Variants in NUP88 observed in about 807,000 individuals in gnomAD.
NUP88 encodes nuclear pore complex protein Nup88.
NUP88 carries 57 observed loss-of-function variants against 93.9 expected under a neutral mutation model. That is an observed-to-expected ratio of 0.61 (90% CI 0.49 to 0.76). The LOEUF is 0.76. Among genes scored for constraint, NUP88 ranks in the 30% least tolerant of loss-of-function variants. The probability of loss-of-function intolerance (pLI) is 0.00; values close to 1 mark genes in which losing one functional copy is unlikely to be tolerated. For missense variants in NUP88, 911 were observed against 901.0 expected, an observed-to-expected ratio of 1.01 and a Z score of -0.14; for synonymous variants, 346 against 336.8, an observed-to-expected ratio of 1.03 and a Z score of -0.30.
intron 8 of NUP88, 74 bp from the exon 9 acceptor site, chr17:5,395,055 G>C: frequency 1.1e-6 from 1 of 894,606 alleles, no homozygotes; most frequent in Non-Finnish European, 1.9e-6. Flanking sequence ...ATGATATTGG[G>C]TTAAATGCAG....
chr17:5,416,188 TACACAC>T (rs149950508), intron 2 of NUP88, among the ~76,000 whole-genome samples: 1 of 126,204 alleles, frequency 7.9e-6, no homozygotes, highest in Admixed American at 8.3e-5. Context: ...TATACACACA[TACACAC>T]ACACACACAC....
intron 14 of NUP88, 34 bp downstream of exon 14, chr17:5,387,352 G>T: frequency 6.4e-7 from 1 of 1,553,178 alleles, no homozygotes; most frequent in Non-Finnish European, 8.9e-7. Context: ...GTTAGTACCT[G>T]ACTAGGTAAC....
At position 5,387,881 on chromosome 17, in the gene NUP88, G is replaced by C; in HGVS notation, c.1667C>G (p.Pro556Arg). The C allele has an allele frequency of 6.2e-7, 1 of 1,613,860 alleles. No homozygotes were observed. Among genetic ancestry groups the C allele is most frequent in the Non-Finnish European group, 8.5e-7 (1 of 1,179,802 alleles). Residue 556 changes from proline (P) to arginine (R), a missense_variant, in exon 12 of 17, where the codon CCT (proline) becomes CGT (arginine). Coordinates refer to ENST00000573584, the MANE Select transcript of NUP88 (RefSeq NM_002532.6). Reference sequence around the variant, plus strand: ...GAGCTGAAGGCATTCTTCAGGAGGAGGGGCTATGTCCTTTTCAGAAGCTCT... The same window carrying C: ...GAGCTGAAGGCATTCTTCAGGAGGACGGGCTATGTCCTTTTCAGAAGCTCT... Reference protein sequence around the residue: ...FLKASEKDIAPPPEECLQLLS... With the variant: ...FLKASEKDIARPPEECLQLLS...
chr17:5,387,217 ATAGGAAGGGTTAGGGGAGAGC>A, intron 14 of NUP88, 107 bp from the exon 15 acceptor site: 1 of 1,379,368 alleles, frequency 7.2e-7, no homozygotes, highest in Non-Finnish European at 1.0e-6. Flanking sequence ...AGTAGGCCCC[ATAGGAAGGGTTAGGGGAGAGC>A]CTCATGTTTT....
intron 1 of NUP88, among the ~76,000 whole-genome samples, chr17:5,417,667 C>T (rs560055385): frequency 6.6e-6 from 1 of 152,094 alleles, no homozygotes; most frequent in African/African-American, 2.4e-5. Context: ...GGTGAAACCC[C>T]GTCTCCACTA....
rs150985650 is a variant in NUP88, at chr17:5,385,946, G to T, written c.*260C>A. The T allele has an allele frequency of 7.4e-3, 3,101 of 421,220 alleles. 15 individuals are homozygous for T. The highest frequency in any genetic ancestry group is 0.01 in the Non-Finnish European group (2,419 of 239,768). 26.1% of individuals were successfully genotyped at this position (421,220 alleles called of 1,614,324 possible). On this transcript the variant is annotated 3_prime_UTR_variant, in exon 17 of 17. Transcript: ENST00000573584. Reference sequence around the variant, plus strand: ...TATGGAGAAAACTCAATAGGGTTCAGGGAGGTTCTGGCAGTGTGCAGTGTG... The same window carrying T: ...TATGGAGAAAACTCAATAGGGTTCATGGAGGTTCTGGCAGTGTGCAGTGTG...
intron 8 of NUP88, among the ~76,000 whole-genome samples, chr17:5,399,264 C>G (rs372493819): frequency 2.6e-5 from 1 of 38,626 alleles, no homozygotes; most frequent in African/African-American, 9.5e-5. Context: ...TTTTTTTTTT[C>G]TTGGAATTTG....
intron 2 of NUP88, among the ~76,000 whole-genome samples, chr17:5,414,473 G>A (rs1914022461): frequency 6.6e-6 from 1 of 152,036 alleles, no homozygotes; most frequent in South Asian, 2.1e-4. Context: ...GGGATTACAG[G>A]CATGAGCCAC....
intron 10 of NUP88, among the ~76,000 whole-genome samples, chr17:5,390,142 G>C (rs974480119): frequency 1.4e-5 from 2 of 139,674 alleles, no homozygotes; most frequent in Non-Finnish European, 3.0e-5. Context: ...TCCAGCTTGG[G>C]CAACACAGCA....
Position 5,398,713 on chromosome 17 carries a change from C to G in NUP88, c.1291+839G>C, listed in dbSNP as rs577330510. Among the ~76,000 whole-genome samples, 4 of 151,932 alleles carry G rather than the reference C, an allele frequency of 2.6e-5. No individual in the cohort carries two copies. The East Asian group carries it at 7.7e-4, about 29-fold the overall frequency. ...AAGCGACTCTCCTACCTCAGCCTTCCGAGTAGCTGGGACTACAGGTGTGTG... is the reference window on the plus strand; with the variant it reads ...AAGCGACTCTCCTACCTCAGCCTTCGGAGTAGCTGGGACTACAGGTGTGTG... On this transcript the variant is annotated intron_variant, in intron 8 of 16. Transcript: ENST00000573584.
At chr17:5,388,121 C>T (rs1912162365) in intron 11 of NUP88, 1 of 357,316 alleles carries the variant, frequency 2.8e-6, no homozygotes, top group East Asian at 5.3e-5. Flanking sequence ...CTGCCTCAGC[C>T]TCTCGAGTAG....
chr17:5,387,724 T>C, intron 12 of NUP88, 54 bp from the exon 13 acceptor site: 5 of 1,607,388 alleles, frequency 3.1e-6, no homozygotes, highest in Non-Finnish European at 4.3e-6. Flanking sequence ...TAGGCTACCA[T>C]ACAGCATCAG....
At chr17:5,387,925 C>T (rs1268941632) in intron 11 of NUP88, 21 bp from the exon 12 acceptor site, 1 of 1,603,358 alleles carries the variant, frequency 6.2e-7, no homozygotes, top group Non-Finnish European at 8.5e-7. Context: ...AAGTTTCTAC[C>T]TTTATTTTCC....
chr17:5,400,152 A>AAAAAAAAAAAC (rs1913058503), intron 7 of NUP88, among the ~76,000 whole-genome samples: 1 of 150,756 alleles, frequency 6.6e-6, no homozygotes, highest in Admixed American at 6.6e-5. Context: ...AAAAAAAAAA[A>AAAAAAAAAAAC]AAAAAGCACT....
In NUP88 at chr17:5,405,196, G is replaced by A. The variant is rs370008628; in HGVS notation, c.905C>T (p.Ala302Val). 81 of 1,613,802 alleles carry A rather than the reference G, an allele frequency of 5.0e-5. No homozygotes were observed. In the East Asian group the frequency reaches 5.1e-4, roughly 10 times the overall value. ...KLLGPLPMHP[A>V]AEDNYGYDAC... ...ATCATAACCATAGTTATCTTCAGCC[G>A]CAGGATGCATGGGCAATGGACCCAA... The change falls in exon 6 of 17, where the codon GCG becomes GTG. Residue 302 changes from alanine (A) to valine (V), a missense_variant. Coordinates refer to ENST00000573584, the MANE Select transcript of NUP88 (RefSeq NM_002532.6).
chr17:5,405,688 G>A (rs1212486051), intron 5 of NUP88, among the ~76,000 whole-genome samples: 1 of 152,208 alleles, frequency 6.6e-6, no homozygotes, highest in Admixed American at 6.5e-5. Flanking sequence ...CTGTGGCAAA[G>A]GTCACCTGTG....
intron 3 of NUP88, among the ~76,000 whole-genome samples, chr17:5,412,753 T>C (rs770600815): frequency 6.6e-6 from 1 of 151,536 alleles, no homozygotes; most frequent in Non-Finnish European, 1.5e-5. Context: ...TCAAACAAGA[T>C]CAGGCATACT....
intron 1 of NUP88, among the ~76,000 whole-genome samples, chr17:5,418,697 G>A (rs1012050851): frequency 1.3e-5 from 2 of 152,188 alleles, no homozygotes; most frequent in African/African-American, 4.8e-5. Flanking sequence ...CACAACAGAT[G>A]TCATACCTTA....
At chr17:5,415,196 T>C (rs1762618358) in intron 2 of NUP88, among the ~76,000 whole-genome samples, 1 of 151,696 alleles carries the variant, frequency 6.6e-6, no homozygotes, top group South Asian at 2.1e-4. Flanking sequence ...ATTTTTTGTA[T>C]TTTAGTAGAA....
Sources: allele counts gnomAD v4.1 joint callset (sites outside exome capture counted in the v4.1 genomes callset), GRCh38; gene constraint gnomAD v4.1.1; transcripts MANE v1.5; gene names NCBI Gene and HGNC (gene_info 2026-07-23, HGNC 2026-07-21).